CBLB: variants seen among roughly 807,000 people sequenced by gnomAD.
CBLB encodes the protein Cbl proto-oncogene B, also known as E3 ubiquitin-protein ligase CBL-B.
A neutral mutation model predicts 104.9 loss-of-function variants in CBLB; 31 were observed. That is an observed-to-expected ratio of 0.30 (90% CI 0.22 to 0.40). The LOEUF (loss-of-function observed/expected upper bound fraction) is 0.40. Ranked by LOEUF, CBLB falls within the 10% of genes least tolerant of loss-of-function variation. The pLI, the probability that CBLB is intolerant of heterozygous loss-of-function variation, is 1.00. For missense variants in CBLB, 1,062 were observed against 1,214.6 expected, an observed-to-expected ratio of 0.87 and a Z score of 1.87; for synonymous variants, 440 against 422.6, an observed-to-expected ratio of 1.04 and a Z score of -0.51.
intron 3 of CBLB, among the ~76,000 whole-genome samples, chr3:105,810,594 T>G (rs2084153759): frequency 6.6e-6 from 1 of 152,076 alleles, no homozygotes; most frequent in Non-Finnish European, 1.5e-5. Context: ...ACCTATATAC[T>G]CTTCTGTTTA....
chr3:105,850,089 C>T (rs2090756983), intron 3 of CBLB, among the ~76,000 whole-genome samples: 3 of 152,058 alleles, frequency 2.0e-5, no homozygotes, highest in African/African-American at 7.2e-5. Flanking sequence ...GGAAGATTCA[C>T]CACCCTCAAG....
At chr3:105,834,034 A>G (rs6437620) in intron 3 of CBLB, among the ~76,000 whole-genome samples, 34,362 of 151,108 alleles carry the variant, frequency 0.23, 4,135 homozygotes, top group East Asian at 0.41. Context: ...AACTGCAAAA[A>G]AGACAATTAA....
chr3:105,687,914 G>C (rs1189344605), intron 13 of CBLB, among the ~76,000 whole-genome samples: 1 of 151,794 alleles, frequency 6.6e-6, no homozygotes, highest in African/African-American at 2.4e-5. Context: ...AAAAACTAGA[G>C]TCATGTAACT....
chr3:105,756,498 A>C (rs1440947404), intron 4 of CBLB, among the ~76,000 whole-genome samples: 1 of 152,178 alleles, frequency 6.6e-6, no homozygotes, highest in Non-Finnish European at 1.5e-5. Context: ...TAACACTTTA[A>C]TGGTAGATTC....
At chr3:105,687,119 T>C (rs1291090290) in intron 13 of CBLB, among the ~76,000 whole-genome samples, 4 of 152,124 alleles carry the variant, frequency 2.6e-5, no homozygotes, top group Middle Eastern at 3.2e-3. Flanking sequence ...ATGAGAAATA[T>C]ATACTGTACA....
At chr3:105,705,981 T>A (rs1361384080) in intron 10 of CBLB, among the ~76,000 whole-genome samples, 1 of 152,032 alleles carries the variant, frequency 6.6e-6, no homozygotes, top group African/African-American at 2.4e-5. Context: ...ACTAATTTTT[T>A]ATTTTTTTTA....
intron 11 of CBLB, among the ~76,000 whole-genome samples, chr3:105,703,021 C>T (rs543653799): frequency 6.8e-4 from 103 of 152,210 alleles, no homozygotes; most frequent in African/African-American, 2.4e-3. Context: ...AACAGAGCAG[C>T]ACTACATATG....
rs2293148 is a variant in CBLB at position 105,655,858 on chromosome 3, T to C, written c.*3112A>G. ...GAGAGAAAAAATAACGTTCGAACTG[T>C]AGGAAATGCTTCTGGAACTGAAAAA... is the stretch of plus-strand genomic sequence containing the variant. On this transcript the variant is annotated 3_prime_UTR_variant, in exon 19 of 19. Coordinates refer to ENST00000394030, the MANE Select transcript of CBLB (RefSeq NM_170662.5). The C allele has an allele frequency of 0.53, 117,514 of 220,754 alleles. 32,733 individuals carry two copies. The highest frequency in any genetic ancestry group is 0.68 in the Middle Eastern group (469 of 690). 13.7% of individuals were successfully genotyped at this position (220,754 alleles called of 1,614,324 possible).
At chr3:105,689,982 C>T (rs769450160) in intron 13 of CBLB, among the ~76,000 whole-genome samples, 36 of 151,870 alleles carry the variant, frequency 2.4e-4, no homozygotes, top group Middle Eastern at 3.4e-3. Flanking sequence ...AGACAAATTA[C>T]ACAATAAAAG....
chr3:105,802,417 C>G (rs1416549006), intron 3 of CBLB, among the ~76,000 whole-genome samples: 2 of 152,082 alleles, frequency 1.3e-5, no homozygotes, highest in African/African-American at 4.8e-5. Context: ...ATCTGTGAGC[C>G]AAAAGAGCTT....
intron 4 of CBLB, among the ~76,000 whole-genome samples, chr3:105,763,199 A>G (rs923578365): frequency 3.3e-5 from 5 of 152,198 alleles, no homozygotes; most frequent in South Asian, 4.1e-4. Flanking sequence ...TTACTGGCTC[A>G]TAAGTGCAAG....
chr3:105,789,399 C>A (rs2081385456), intron 3 of CBLB, among the ~76,000 whole-genome samples: 1 of 151,980 alleles, frequency 6.6e-6, no homozygotes, highest in Non-Finnish European at 1.5e-5. Flanking sequence ...TCTGTATTTT[C>A]TCTGATAAAA....
intron 3 of CBLB, among the ~76,000 whole-genome samples, chr3:105,831,015 TC>T (rs1182372467): frequency 2.0e-5 from 3 of 152,214 alleles, no homozygotes; most frequent in Non-Finnish European, 2.9e-5. Flanking sequence ...CAAAACCTTG[TC>T]ATTTAAATAC....
At chr3:105,865,587 T>C (rs1322916166) in intron 2 of CBLB, among the ~76,000 whole-genome samples, 1 of 152,208 alleles carries the variant, frequency 6.6e-6, no homozygotes, top group African/African-American at 2.4e-5. Context: ...CCATAACTCA[T>C]GGTGAAATAA....
intron 3 of CBLB, among the ~76,000 whole-genome samples, chr3:105,788,489 G>A (rs940681541): frequency 5.9e-5 from 9 of 152,076 alleles, no homozygotes; most frequent in South Asian, 2.1e-4. Flanking sequence ...GAAAGTTTAC[G>A]AATTTGTGTT....
chr3:105,713,618 C>A (rs1475020429), intron 10 of CBLB, among the ~76,000 whole-genome samples: 1 of 152,212 alleles, frequency 6.6e-6, no homozygotes, highest in East Asian at 1.9e-4. Flanking sequence ...TATCCTACGA[C>A]ATCACACAGC....
intron 17 of CBLB, chr3:105,672,390 T>A (rs1259767668): frequency 5.6e-6 from 1 of 177,890 alleles, no homozygotes; most frequent in Non-Finnish European, 1.2e-5. Flanking sequence ...CATCATATCC[T>A]AAGTTTGCTA....
chr3:105,755,118 G>A (rs923571050), intron 4 of CBLB, among the ~76,000 whole-genome samples: 4 of 151,236 alleles, frequency 2.6e-5, no homozygotes, highest in Admixed American at 1.3e-4. Context: ...ATGCTGGTGC[G>A]CTGCACCCAC....
At chr3:105,797,236 T>C (rs946517465) in intron 3 of CBLB, among the ~76,000 whole-genome samples, 2 of 152,202 alleles carry the variant, frequency 1.3e-5, no homozygotes, top group African/African-American at 2.4e-5. Context: ...ATATACACCA[T>C]GGAATACTAC....
Sources: allele counts gnomAD v4.1 joint callset (sites outside exome capture counted in the v4.1 genomes callset), GRCh38; gene constraint gnomAD v4.1.1; transcripts MANE v1.5; gene names NCBI Gene and HGNC (gene_info 2026-07-23, HGNC 2026-07-21).